DMD: variants seen among roughly 807,000 people sequenced by gnomAD.
DMD encodes the protein mutant dystrophin.
DMD carries 63 observed loss-of-function variants against 330.1 expected under a neutral mutation model. That is an observed-to-expected ratio of 0.19 (90% CI 0.16 to 0.24). The LOEUF is 0.24. Among genes scored for constraint, DMD ranks in the 10% least tolerant of loss-of-function variants. DMD has a pLI of 1.00. For synonymous variants in DMD, 1,223 were observed against 959.8 expected (o/e 1.27, Z -5.07); for missense variants, 3,344 against 2,684.1 (o/e 1.25, Z -5.43).
intron 1 of DMD, among the ~76,000 whole-genome samples, chrX:33,289,187 C>T (rs189124490): frequency 9.0e-6 from 1 of 110,624 alleles, no homozygotes; most frequent in East Asian, 2.9e-4. Flanking sequence ...TTTTCTGAGC[C>T]CTAGATGCTC....
intron 1 of DMD, among the ~76,000 whole-genome samples, chrX:33,078,961 G>T (rs773967334): frequency 2.7e-5 from 3 of 111,621 alleles, no homozygotes; most frequent in Admixed American, 9.5e-5. Flanking sequence ...CTATTCTAAC[G>T]TCACAATCTC....
chrX:31,801,885 C>A (rs899475983), intron 50 of DMD, among the ~76,000 whole-genome samples: 16 of 110,867 alleles, frequency 1.4e-4, no homozygotes, highest in African/African-American at 5.3e-4. Context: ...TTTACACTAA[C>A]CTAGTTTGGG....
intron 45 of DMD, among the ~76,000 whole-genome samples, chrX:31,957,129 G>C (rs759036246): frequency 4.3e-4 from 48 of 111,484 alleles, no homozygotes; most frequent in Non-Finnish European, 6.8e-4. Flanking sequence ...CCAAGAGTTC[G>C]AGATCCAATC....
intron 39 of DMD, among the ~76,000 whole-genome samples, chrX:32,344,791 T>C (rs948759024): frequency 8.9e-6 from 1 of 111,881 alleles, no homozygotes; most frequent in Non-Finnish European, 1.9e-5. Flanking sequence ...CACACCATCA[T>C]ACGACCAGTG....
chrX:31,963,849 A>T (rs767572924), intron 45 of DMD, among the ~76,000 whole-genome samples: 5 of 104,022 alleles, frequency 4.8e-5, no homozygotes, highest in Admixed American at 1.0e-4. Context: ...ATCATGTCAG[A>T]TTAGGAAAAC....
At chrX:31,968,650 T>A (rs983301587) in intron 44 of DMD, 136 bp from the exon 45 acceptor site, 90 of 701,100 alleles carry the variant, frequency 1.3e-4, no homozygotes, top group Middle Eastern at 9.1e-4. Flanking sequence ...AAAATTTCCC[T>A]ATGAAACTGA....
chrX:33,252,945 C>T (rs2052795646), intron 1 of DMD, among the ~76,000 whole-genome samples: 2 of 111,544 alleles, frequency 1.8e-5, no homozygotes, highest in Admixed American at 9.6e-5. Context: ...TCTTGATTCA[C>T]TTTAGCCAAT....
chrX:32,769,814 C>T (rs1376362921), intron 7 of DMD, among the ~76,000 whole-genome samples: 13 of 64,101 alleles, frequency 2.0e-4, no homozygotes, highest in African/African-American at 1.2e-3. Flanking sequence ...CCAGGAAAAA[C>T]CAGAAAAAAA....
intron 7 of DMD, among the ~76,000 whole-genome samples, chrX:32,784,501 A>T (rs544035732): frequency 2.7e-5 from 3 of 112,166 alleles, no homozygotes; most frequent in African/African-American, 9.7e-5. Flanking sequence ...ACTTTTTATT[A>T]GAAATCACAC....
chrX:31,897,181 T>A (rs1485582936), intron 47 of DMD, among the ~76,000 whole-genome samples: 2 of 111,198 alleles, frequency 1.8e-5, no homozygotes, highest in East Asian at 5.7e-4. Flanking sequence ...TGTTTGGTTT[T>A]TTGTTCTTGC....
intron 44 of DMD, among the ~76,000 whole-genome samples, chrX:32,117,059 GA>G (rs1248574239): frequency 9.0e-6 from 1 of 111,453 alleles, no homozygotes; most frequent in East Asian, 2.8e-4. Context: ...AACACAAATG[GA>G]CACATCAATA....
intron 61 of DMD, among the ~76,000 whole-genome samples, chrX:31,338,382 C>T (rs2057530155): frequency 1.9e-5 from 2 of 108,071 alleles, no homozygotes; most frequent in South Asian, 4.1e-4. Flanking sequence ...AGGAGAATAG[C>T]TTGAACCTGG....
chrX:32,645,443 G>A (rs1334022248), intron 9 of DMD, among the ~76,000 whole-genome samples: 1 of 111,939 alleles, frequency 8.9e-6, no homozygotes, highest in African/African-American at 3.2e-5. Flanking sequence ...CTTTTTAAAT[G>A]CTATAAATAT....
chrX:32,170,459 G>A lies in DMD; in HGVS notation c.6438+46457C>T, dbSNP rs762515469. Among the ~76,000 whole-genome samples the A allele has an allele frequency of 1.0e-4, 11 of 107,640 alleles. No individual in the cohort carries two copies. In the East Asian group the frequency reaches 2.0e-3, roughly 20 times the overall value. The allele number at this position is 107,640 out of a possible 115,157, so 93.5% of individuals were successfully genotyped here. A position where few individuals can be genotyped will look rare whatever the true frequency, so the allele number is the denominator to read the frequency against. On this transcript the variant is annotated intron_variant, in intron 44 of 78. Coordinates refer to ENST00000357033, the MANE Select transcript of DMD (RefSeq NM_004006.3). ...TGTACTCCAACCCGGGCAACAGAGC[G>A]AAACTCCATCTCAAATAATAATAAT...
intron 2 of DMD, among the ~76,000 whole-genome samples, chrX:33,003,503 A>T (rs2093332583): frequency 8.9e-6 from 1 of 112,173 alleles, no homozygotes; most frequent in African/African-American, 3.2e-5. Flanking sequence ...AAGTGGAAAT[A>T]GAAAATATAT....
rs144362829 is a variant in DMD at position 32,528,305 on chromosome X, T to G, written c.2169-10174A>C. On this transcript the variant is annotated intron_variant, in intron 17 of 78. Coordinates refer to ENST00000357033, the MANE Select transcript of DMD (RefSeq NM_004006.3). ...GCCTGGGCAACAGAACGAGACTCAG[T>G]CTCAAAAAAGAAAAAAAAATAACAT... Among the ~76,000 whole-genome samples the G allele has an allele frequency of 9.2e-3, 1,007 of 109,740 alleles. 15 individuals are homozygous for G. Among genetic ancestry groups the G allele is most frequent in the African/African-American group, 0.031 (942 of 30,264 alleles).
At chrX:31,463,648 T>G (rs907570280) in intron 59 of DMD, among the ~76,000 whole-genome samples, 4 of 111,682 alleles carry the variant, frequency 3.6e-5, no homozygotes, top group African/African-American at 1.3e-4. Context: ...AAATATATAT[T>G]GGCTGTGTGA....
At chrX:31,613,702 T>A (rs191694081) in intron 55 of DMD, among the ~76,000 whole-genome samples, 1 of 111,246 alleles carries the variant, frequency 9.0e-6, no homozygotes, top group Admixed American at 9.6e-5. Context: ...TCTATTATAA[T>A]ATAGCCCTTC....
intron 44 of DMD, among the ~76,000 whole-genome samples, chrX:32,069,871 C>A (rs1421926583): frequency 8.9e-6 from 1 of 111,806 alleles, no homozygotes; most frequent in Non-Finnish European, 1.9e-5. Context: ...TCATTACCTG[C>A]ATTCCAGAAA....
Sources: allele counts gnomAD v4.1 joint callset (sites outside exome capture counted in the v4.1 genomes callset), GRCh38; gene constraint gnomAD v4.1.1; transcripts MANE v1.5; gene names NCBI Gene and HGNC (gene_info 2026-07-23, HGNC 2026-07-21).